PLCXD3: variants seen among roughly 807,000 people sequenced by gnomAD.
The protein encoded by PLCXD3 is PI-PLC X domain-containing protein 3.
In PLCXD3, 19 loss-of-function variants were observed where a neutral mutation model predicts 25.5. That is an observed-to-expected ratio of 0.75 (90% CI 0.52 to 1.09). The LOEUF is 1.09. PLCXD3 is among the 50% of genes least tolerant of loss of function. PLCXD3 has a pLI of 0.00. For synonymous variants in PLCXD3, 174 were observed against 137.6 expected (o/e 1.26, Z -1.85); for missense variants, 411 against 388.1 (o/e 1.06, Z -0.50).
intron 2 of PLCXD3, among the ~76,000 whole-genome samples, chr5:41,334,373 C>T (rs1227880400): frequency 6.6e-6 from 1 of 152,112 alleles, no homozygotes; most frequent in Non-Finnish European, 1.5e-5. Context: ...TTCAAAACTA[C>T]TCAGCCACAG....
Position 41,365,074 on chromosome 5 carries a change from G to A in PLCXD3, c.812+16752C>T, listed in dbSNP as rs142608383. 2.4e-4 allele frequency among the ~76,000 whole-genome samples: 36 copies of A among 152,308 alleles called. No homozygotes were observed. In the East Asian group the frequency reaches 6.0e-3, roughly 25 times the overall value. ...CTCCTAACACCAATAGGCACACAAA[G>A]TGTTGTAAATCTGTGGCTGGATCTT... On this transcript the variant is annotated intron_variant, in intron 2 of 2. Transcript: ENST00000377801.
intron 1 of PLCXD3, among the ~76,000 whole-genome samples, chr5:41,441,109 ATTCAT>A (rs1747374855): frequency 6.6e-6 from 1 of 152,156 alleles, no homozygotes; most frequent in Non-Finnish European, 1.5e-5. Context: ...CTATTCATTC[ATTCAT>A]TTCATTTTTC....
chr5:41,491,043 A>T lies in PLCXD3; in HGVS notation c.103+19381T>A, dbSNP rs1053279369. Among the ~76,000 whole-genome samples, 8 of 152,038 alleles carry T rather than the reference A, an allele frequency of 5.3e-5. No individual in the cohort carries two copies. In the South Asian group the frequency reaches 1.7e-3, roughly 32 times the overall value. On this transcript the variant is annotated intron_variant, in intron 1 of 2. Coordinates refer to ENST00000377801, the MANE Select transcript of PLCXD3 (RefSeq NM_001005473.3). The stretch of plus-strand genomic sequence containing the variant: ...TGTGATGTTAGGTTGTCAATTTTGG[A>T]TCTTTCCTGCTTTCTCTTGTGGGCA...
intron 1 of PLCXD3, among the ~76,000 whole-genome samples, chr5:41,405,872 C>A (rs951791577): frequency 3.3e-5 from 5 of 152,062 alleles, no homozygotes; most frequent in Admixed American, 3.3e-4. Flanking sequence ...CCATCTTTAA[C>A]CCACTGTAAT....
intron 1 of PLCXD3, among the ~76,000 whole-genome samples, chr5:41,399,935 A>C (rs1459840672): frequency 2.0e-5 from 3 of 152,122 alleles, no homozygotes; most frequent in Non-Finnish European, 4.4e-5. Context: ...TTTGCAAGCT[A>C]CTCCCCTGAT....
intron 2 of PLCXD3, among the ~76,000 whole-genome samples, chr5:41,370,576 T>G (rs1580330519): frequency 1.3e-5 from 2 of 152,154 alleles, no homozygotes; most frequent in Admixed American, 6.6e-5. Context: ...TTATCTTTTT[T>G]GGGGGAGAGG....
chr5:41,405,315 A>G (rs1363857581), intron 1 of PLCXD3, among the ~76,000 whole-genome samples: 1 of 152,084 alleles, frequency 6.6e-6, no homozygotes, highest in Non-Finnish European at 1.5e-5. Flanking sequence ...GTCTTGCCAT[A>G]TGAAAGTTTT....
intron 1 of PLCXD3, among the ~76,000 whole-genome samples, chr5:41,432,978 C>T (rs1429747312): frequency 6.6e-5 from 10 of 152,140 alleles, no homozygotes; most frequent in Non-Finnish European, 1.5e-4. Context: ...TCTTATGTCA[C>T]GAAGAACTTG....
At chr5:41,428,629 T>G (rs1434807404) in intron 1 of PLCXD3, among the ~76,000 whole-genome samples, 1 of 151,928 alleles carries the variant, frequency 6.6e-6, no homozygotes, top group East Asian at 1.9e-4. Context: ...GCCACTCCAT[T>G]TTTGTTATTT....
chr5:41,430,635 G>A (rs1295458668), intron 1 of PLCXD3, among the ~76,000 whole-genome samples: 5 of 152,120 alleles, frequency 3.3e-5, no homozygotes, highest in Non-Finnish European at 7.4e-5. Context: ...GGAATTCTGT[G>A]ACCCAGTGTA....
At chr5:41,432,278 T>C (rs1436163672) in intron 1 of PLCXD3, among the ~76,000 whole-genome samples, 3 of 152,238 alleles carry the variant, frequency 2.0e-5, no homozygotes, top group Non-Finnish European at 2.9e-5. Flanking sequence ...ATTGCAATTA[T>C]CATACTTGTG....
intron 1 of PLCXD3, among the ~76,000 whole-genome samples, chr5:41,492,568 A>T (rs1203077922): frequency 1.3e-5 from 2 of 152,234 alleles, no homozygotes; most frequent in African/African-American, 2.4e-5. Context: ...ACTTTCAGGT[A>T]CACCAATCAG....
intron 1 of PLCXD3, among the ~76,000 whole-genome samples, chr5:41,404,293 G>A (rs1746288620): frequency 6.6e-6 from 1 of 151,982 alleles, no homozygotes; most frequent in Admixed American, 6.6e-5. Flanking sequence ...GGAACAAGTG[G>A]AACCATGTGG....
intron 1 of PLCXD3, among the ~76,000 whole-genome samples, chr5:41,499,146 G>C (rs1561291537): frequency 6.6e-6 from 1 of 151,202 alleles, no homozygotes; most frequent in Non-Finnish European, 1.5e-5. Context: ...ACACCCTAGT[G>C]AGAGCAGTTA....
chr5:41,344,491 GA>G (rs1347343834), intron 2 of PLCXD3, among the ~76,000 whole-genome samples: 2 of 151,968 alleles, frequency 1.3e-5, no homozygotes, highest in African/African-American at 4.8e-5. Flanking sequence ...GTCACTTAAG[GA>G]AAGTTATTTT....
chr5:41,358,731 T>G (rs1744689073), intron 2 of PLCXD3, among the ~76,000 whole-genome samples: 1 of 152,222 alleles, frequency 6.6e-6, no homozygotes, highest in South Asian at 2.1e-4. Flanking sequence ...CTGATTGCTC[T>G]GGCTAGGACT....
chr5:41,493,180 GT>G (rs1337784850), intron 1 of PLCXD3, among the ~76,000 whole-genome samples: 9 of 152,314 alleles, frequency 5.9e-5, no homozygotes, highest in African/African-American at 2.2e-4. Flanking sequence ...GTCTGTTGGA[GT>G]TTGCTGGAGG....
rs1307988674 is a variant in PLCXD3, at chr5:41,382,355, A to C, written c.283T>G (p.Phe95Val). The change falls in exon 2 of 3, where the codon TTT becomes GTT. Residue 95 changes from phenylalanine (F) to valine (V), a missense_variant. By Grantham distance (50) the Phe-to-Val change is conservative. Coordinates refer to ENST00000377801, the MANE Select transcript of PLCXD3 (RefSeq NM_001005473.3). ...GGCTTGGTGGAAATTCGAAGATCAA[A>C]ATAACGAATTCCAGCTCCTAGCTGG... is the stretch of plus-strand genomic sequence containing the variant. ...TGQLGAGIRY[F>V]DLRISTKPRD... 6.2e-7 allele frequency: 1 copy of C among 1,613,414 alleles called. No individual in the cohort carries two copies. Among genetic ancestry groups the C allele is most frequent in the Non-Finnish European group, 8.5e-7 (1 of 1,179,726 alleles).
In PLCXD3 at chr5:41,403,404, T is replaced by TTTGTTTTTGTTTTTGTTTTTG. The variant is rs1424890397; in HGVS notation, c.104-20871_104-20870insCAAAAACAAAAACAAAAACAA. 8.7e-5 allele frequency among the ~76,000 whole-genome samples: 3 copies of TTTGTTTTTGTTTTTGTTTTTG among 34,602 alleles called. 1 individual carries two copies. Among genetic ancestry groups the TTTGTTTTTGTTTTTGTTTTTG allele is most frequent in the Admixed American group, 4.9e-4 (2 of 4,080 alleles). The allele number at this position is 34,602 out of a possible 152,430, so 22.7% of individuals were successfully genotyped here. On this transcript the variant is annotated intron_variant, in intron 1 of 2. Coordinates refer to ENST00000377801, the MANE Select transcript of PLCXD3 (RefSeq NM_001005473.3). ...TACCCAGATTGACTTATTTGTTGTT[T>TTTGTTTTTGTTTTTGTTTTTG]TTTTTTTTTTTTATTATACTCTAAG...
Sources: gnomAD v4.1 joint callset for allele counts (sites outside exome capture counted in the v4.1 genomes callset) on GRCh38, gnomAD v4.1.1 for gene constraint, MANE v1.5 for transcripts, NCBI Gene and HGNC (gene_info 2026-07-23, HGNC 2026-07-21) for gene names.